TMEM151B: variants seen among roughly 807,000 people sequenced by gnomAD.
TMEM151B encodes the protein transmembrane protein 151B.
In TMEM151B, 18 loss-of-function variants were observed where a neutral mutation model predicts 33.0. That is an observed-to-expected ratio of 0.55 (90% CI 0.38 to 0.81). The LOEUF is 0.81. Ranked by LOEUF, TMEM151B falls within the 30% of genes least tolerant of loss-of-function variation. The probability of loss-of-function intolerance (pLI) is 0.00; values close to 1 mark genes in which losing one functional copy is unlikely to be tolerated. For missense variants in TMEM151B, 672 were observed against 843.4 expected, an observed-to-expected ratio of 0.80 and a Z score of 2.52; for synonymous variants, 354 against 373.6, an observed-to-expected ratio of 0.95 and a Z score of 0.61.
rs1358258799 is a variant in TMEM151B, at chr6:44,275,942, G to A, written c.1116G>A (p.Glu372=). ...GGGTCAACACAGTAGACAGCACGGAGCTCGAGTGGCACATCCGCTCCAACC... is the reference window on the plus strand; with the variant it reads ...GGGTCAACACAGTAGACAGCACGGAACTCGAGTGGCACATCCGCTCCAACC... ...LPRVNTVDST[E]LEWHIRSNQQ... The change falls in exon 3 of 3, where the codon GAG becomes GAA. Residue 372 remains glutamate (E), a synonymous_variant. Coordinates refer to ENST00000451188, the MANE Select transcript of TMEM151B (RefSeq NM_001137560.2). The A allele has an allele frequency of 6.7e-7, 1 of 1,489,816 alleles. No individual in the cohort carries two copies. Among genetic ancestry groups the A allele is most frequent in the East Asian group, 2.5e-5 (1 of 39,936 alleles). The allele number at this position is 1,489,816 out of a possible 1,614,324, so 92.3% of individuals were successfully genotyped here.
chr6:44,276,466 G>A lies in TMEM151B; in HGVS notation c.1640G>A (p.Cys547Tyr). 6.8e-7 allele frequency: 1 copy of A among 1,477,434 alleles called. No individual in the cohort carries two copies. 91.5% of individuals were successfully genotyped at this position (1,477,434 alleles called of 1,614,324 possible). ...PVLIVHRQEG[C>Y]LGHSHRPLHR... ...CTCATCGTCCACCGGCAGGAGGGGT[G>A]TCTGGGCCACAGCCACCGGCCGCTG... is the stretch of plus-strand genomic sequence containing the variant. Residue 547 changes from cysteine (C) to tyrosine (Y), a missense_variant, in exon 3 of 3, where the codon TGT becomes TAT. Around this residue, in one of 3 missense-constraint regions of TMEM151B, gnomAD observed 324 missense variants for 363.1 expected, o/e 0.89. Transcript: ENST00000451188.
Position 44,276,712 on chromosome 6 carries a change from A to G in TMEM151B, c.*185A>G. 2 of 1,198,120 alleles carry G rather than the reference A, an allele frequency of 1.7e-6. No individual in the cohort carries two copies. Among genetic ancestry groups the G allele is most frequent in the Non-Finnish European group, 2.1e-6 (2 of 956,234 alleles). The allele number at this position is 1,198,120 out of a possible 1,614,324, so 74.2% of individuals were successfully genotyped here. ...CCCCGCTGTCCCTGTACATAAAGAG[A>G]CCGATGGGTGGGAGGGGGTCGGCTG... is the stretch of plus-strand genomic sequence containing the variant. On this transcript the variant is annotated 3_prime_UTR_variant, in exon 3 of 3. Transcript: ENST00000451188.
chr6:44,275,319 A>T (rs1782534599), intron 2 of TMEM151B, 84 bp from the exon 3 acceptor site: 2 of 1,437,404 alleles, frequency 1.4e-6, no homozygotes, highest in African/African-American at 2.9e-5. Context: ...CAGAGCACAG[A>T]TGGGGCGGGA....
chr6:44,273,450 C>T lies in TMEM151B; in HGVS notation c.520C>T (p.Arg174Cys), dbSNP rs1472512067. 2 of 1,550,812 alleles carry T rather than the reference C, an allele frequency of 1.3e-6. No homozygotes were observed. The highest frequency in any genetic ancestry group is 8.7e-7 in the Non-Finnish European group (1 of 1,146,850). Residue 174 changes from arginine (R) to cysteine (C), a missense_variant, in exon 2 of 3, where the codon CGC becomes TGC. By Grantham distance (180) the Arg-to-Cys change is radical. Coordinates refer to ENST00000451188, the MANE Select transcript of TMEM151B (RefSeq NM_001137560.2). ...GAAGGCCATCAGCTACCACTATGTC[C>T]GCCGCACCCGCCAGGTCACCAGATA... ...WWKAISYHYV[R>C]RTRQVTRYRN... is the part of the protein sequence containing the mutation.
At chr6:44,272,844 C>G (rs1465629321) in intron 1 of TMEM151B, among the ~76,000 whole-genome samples, 1 of 152,134 alleles carries the variant, frequency 6.6e-6, no homozygotes, top group East Asian at 1.9e-4. Context: ...CATTCCGGTC[C>G]CCTTTCCTGT....
At chr6:44,273,776 C>G (rs1321206907) in intron 2 of TMEM151B, among the ~76,000 whole-genome samples, 1 of 152,220 alleles carries the variant, frequency 6.6e-6, no homozygotes, top group Non-Finnish European at 1.5e-5. Context: ...GCAGGTATTC[C>G]CATTTTGCAG....
rs1201538908 is a variant in TMEM151B at position 44,276,447 on chromosome 6, G to A, written c.1621G>A (p.Val541Ile). 1 of 1,494,104 alleles carries A rather than the reference G, an allele frequency of 6.7e-7. No individual in the cohort carries two copies. The highest frequency in any genetic ancestry group is 2.1e-5 in the Admixed American group (1 of 47,434). 92.6% of individuals were successfully genotyped at this position (1,494,104 alleles called of 1,614,324 possible). Residue 541 changes from valine (V) to isoleucine (I), a missense_variant, in exon 3 of 3, where the codon GTC becomes ATC. Transcript: ENST00000451188. ...HDALYFPVLI[V>I]HRQEGCLGHS... is the part of the protein sequence containing the mutation. ...CGCCCTCTACTTTCCGGTCCTCATC[G>A]TCCACCGGCAGGAGGGGTGTCTGGG...
At position 44,276,052 on chromosome 6, in the gene TMEM151B, A is replaced by G; in HGVS notation, c.1226A>G (p.Tyr409Cys). The change falls in exon 3 of 3, where the codon TAC (tyrosine) becomes TGC (cysteine). Residue 409 changes from tyrosine to cysteine, a missense_variant. Coordinates refer to ENST00000451188, the MANE Select transcript of TMEM151B (RefSeq NM_001137560.2). ...CGCTGCGGCGGGGCAGGCGGCGGCT[A>G]CGCGCCCTCGTGCCGCTACGGTGGG... ...GTRCGGAGGG[Y>C]APSCRYGGVG... is the part of the protein sequence containing the mutation. 1 of 1,347,800 alleles carries G rather than the reference A, an allele frequency of 7.4e-7. No individual in the cohort carries two copies. The highest frequency in any genetic ancestry group is 2.0e-5 in the South Asian group (1 of 50,840). 83.5% of individuals were successfully genotyped at this position (1,347,800 alleles called of 1,614,324 possible).
Position 44,276,050 on chromosome 6 carries a change from C to G in TMEM151B, c.1224C>G (p.Gly408=). The change falls in exon 3 of 3, where the codon GGC becomes GGG. Residue 408 remains glycine, a synonymous_variant. Transcript: ENST00000451188. ...CGCGCTGCGGCGGGGCAGGCGGCGG[C>G]TACGCGCCCTCGTGCCGCTACGGTG... ...LGTRCGGAGG[G]YAPSCRYGGV... 1.5e-6 allele frequency: 2 copies of G among 1,349,222 alleles called. No homozygotes were observed. Among genetic ancestry groups the G allele is most frequent in the Non-Finnish European group, 1.9e-6 (2 of 1,056,332 alleles). 83.6% of individuals were successfully genotyped at this position (1,349,222 alleles called of 1,614,324 possible). A position where few individuals can be genotyped will look rare whatever the true frequency, so the allele number is the denominator to read the frequency against.
chr6:44,276,555 T>G lies in TMEM151B; in HGVS notation c.*28T>G, dbSNP rs991189422. 5 of 1,325,562 alleles carry G rather than the reference T, an allele frequency of 3.8e-6. No individual in the cohort carries two copies. The African/African-American group carries it at 7.7e-5, about 20-fold the overall frequency. The allele number at this position is 1,325,562 out of a possible 1,614,324, so 82.1% of individuals were successfully genotyped here. On this transcript the variant is annotated 3_prime_UTR_variant, in exon 3 of 3. Coordinates refer to ENST00000451188, the MANE Select transcript of TMEM151B (RefSeq NM_001137560.2). The stretch of plus-strand genomic sequence containing the variant: ...TCCGGCCCCGGAGTGGCCCGCGCCG[T>G]CCTCCCGCCTGCCCCTCGCCGGACT...
Position 44,276,560 on chromosome 6 carries a change from C to T in TMEM151B, c.*33C>T. On this transcript the variant is annotated 3_prime_UTR_variant, in exon 3 of 3. Coordinates refer to ENST00000451188, the MANE Select transcript of TMEM151B (RefSeq NM_001137560.2). ...CCCCGGAGTGGCCCGCGCCGTCCTCCCGCCTGCCCCTCGCCGGACTGTGCT... is the reference window on the plus strand; with the variant it reads ...CCCCGGAGTGGCCCGCGCCGTCCTCTCGCCTGCCCCTCGCCGGACTGTGCT... 1 of 1,336,216 alleles carries T rather than the reference C, an allele frequency of 7.5e-7. No homozygotes were observed. The highest frequency in any genetic ancestry group is 9.6e-7 in the Non-Finnish European group (1 of 1,041,348). The allele number at this position is 1,336,216 out of a possible 1,614,324, so 82.8% of individuals were successfully genotyped here. A position where few individuals can be genotyped will look rare whatever the true frequency, so the allele number is the denominator to read the frequency against.
In TMEM151B at chr6:44,270,573, C is replaced by T. The variant is rs1003401742; in HGVS notation, c.-170C>T. On this transcript the variant is annotated 5_prime_UTR_variant, in exon 1 of 3. Transcript: ENST00000451188. ...CCCCCAGCCTGCCTCCCACCCTCAG[C>T]CCCCAGCCCCTTACTCCCGGTGCCC... 1 of 168,732 alleles carries T rather than the reference C, an allele frequency of 5.9e-6. No homozygotes were observed. The highest frequency in any genetic ancestry group is 6.4e-5 in the Admixed American group (1 of 15,558). The allele number at this position is 168,732 out of a possible 1,614,324, so 10.5% of individuals were successfully genotyped here. A position where few individuals can be genotyped will look rare whatever the true frequency, so the allele number is the denominator to read the frequency against.
In TMEM151B at chr6:44,276,584, C is replaced by T; in HGVS notation, c.*57C>T. 5 of 1,318,226 alleles carry T rather than the reference C, an allele frequency of 3.8e-6. No homozygotes were observed. The highest frequency in any genetic ancestry group is 3.9e-6 in the Non-Finnish European group (4 of 1,033,402). The allele number at this position is 1,318,226 out of a possible 1,614,324, so 81.7% of individuals were successfully genotyped here. A position where few individuals can be genotyped will look rare whatever the true frequency, so the allele number is the denominator to read the frequency against. ...CCCGCCTGCCCCTCGCCGGACTGTG[C>T]TCCCTCTGCGACGCAGGGCGAGTCA... On this transcript the variant is annotated 3_prime_UTR_variant, in exon 3 of 3. Transcript: ENST00000451188.
rs928283341 is a variant in TMEM151B, at chr6:44,276,119, C to G, written c.1293C>G (p.Arg431=). The change falls in exon 3 of 3, where the codon CGC becomes CGG. Residue 431 remains arginine (R), a synonymous_variant. Transcript: ENST00000451188. ...PGAAGVAPYR[R]SCEHCQRAVS... is the part of the protein sequence containing the mutation. ...CGGCGGGCGTGGCTCCCTACCGGCGCAGCTGCGAGCACTGCCAGCGCGCCG... is the reference window on the plus strand; with the variant it reads ...CGGCGGGCGTGGCTCCCTACCGGCGGAGCTGCGAGCACTGCCAGCGCGCCG... The G allele has an allele frequency of 2.3e-6, 3 of 1,320,818 alleles. No individual in the cohort carries two copies. The highest frequency in any genetic ancestry group is 1.9e-6 in the Non-Finnish European group (2 of 1,043,970). 81.8% of individuals were successfully genotyped at this position (1,320,818 alleles called of 1,614,324 possible).
In TMEM151B at chr6:44,273,122, G is replaced by A. The variant is rs1215331271; in HGVS notation, c.192G>A (p.Lys64=). ...TKSLCRESHW[K]CLLLSLLMYG... ...CCCTCTGCCGTGAGTCCCACTGGAA[G>A]TGCCTCCTGCTCTCGCTGCTCATGT... Residue 64 remains lysine, a synonymous_variant, in exon 2 of 3, where the codon AAG becomes AAA. Coordinates refer to ENST00000451188, the MANE Select transcript of TMEM151B (RefSeq NM_001137560.2). The A allele has an allele frequency of 1.3e-6, 2 of 1,526,440 alleles. No homozygotes were observed. Among genetic ancestry groups the A allele is most frequent in the African/African-American group, 2.8e-5 (2 of 72,722 alleles). 94.6% of individuals were successfully genotyped at this position (1,526,440 alleles called of 1,614,324 possible). A position where few individuals can be genotyped will look rare whatever the true frequency, so the allele number is the denominator to read the frequency against.
rs1222582987 is a variant in TMEM151B at position 44,276,660 on chromosome 6, C to T, written c.*133C>T. ...GGCAGGGAAAGGGAGGTGAGGGCCG[C>T]AAGACAGGCCCGGATGGGGCCGAGA... is the stretch of plus-strand genomic sequence containing the variant. On this transcript the variant is annotated 3_prime_UTR_variant, in exon 3 of 3. Coordinates refer to ENST00000451188, the MANE Select transcript of TMEM151B (RefSeq NM_001137560.2). The T allele has an allele frequency of 3.9e-6, 5 of 1,275,022 alleles. No homozygotes were observed. Among genetic ancestry groups the T allele is most frequent in the South Asian group, 2.7e-5 (1 of 37,520 alleles). 79.0% of individuals were successfully genotyped at this position (1,275,022 alleles called of 1,614,324 possible).
In TMEM151B at chr6:44,270,707, CG is replaced by C; in HGVS notation, c.-33del. On this transcript the variant is annotated 5_prime_UTR_variant, in exon 1 of 3. Transcript: ENST00000451188. The stretch of plus-strand genomic sequence containing the variant: ...ATGCCCCCGGCCCCTGGCAGCCCCC[CG>C]GGAGGTCCTGAGCTCGACGCGCCCC... 1 of 855,228 alleles carries C rather than the reference CG, an allele frequency of 1.2e-6. No individual in the cohort carries two copies. The highest frequency in any genetic ancestry group is 1.5e-6 in the Non-Finnish European group (1 of 679,338). The allele number at this position is 855,228 out of a possible 1,614,324, so 53.0% of individuals were successfully genotyped here. A position where few individuals can be genotyped will look rare whatever the true frequency, so the allele number is the denominator to read the frequency against.
At position 44,276,509 on chromosome 6, in the gene TMEM151B, C is replaced by T. The variant is rs1406018654; in HGVS notation, c.1683C>T (p.Cys561=). The change falls in exon 3 of 3, where the codon TGC becomes TGT. Residue 561 remains cysteine, a synonymous_variant. Transcript: ENST00000451188. ...SHRPLHRHGS[C]VETSL is the part of the protein sequence containing the mutation. ...GGCCGCTGCACCGCCACGGCTCCTG[C>T]GTAGAGACCTCACTGTGACCTCCGG... 7.2e-7 allele frequency: 1 copy of T among 1,385,278 alleles called. No individual in the cohort carries two copies. Among genetic ancestry groups the T allele is most frequent in the East Asian group, 3.0e-5 (1 of 32,956 alleles). The allele number at this position is 1,385,278 out of a possible 1,614,324, so 85.8% of individuals were successfully genotyped here.
chr6:44,271,005 G>A, intron 1 of TMEM151B, 128 bp downstream of exon 1: 1 of 619,098 alleles, frequency 1.6e-6, no homozygotes, highest in Non-Finnish European at 2.0e-6. Flanking sequence ...GGCCGCTGCA[G>A]CCGCAGTCCG....
Sources: gnomAD v4.1 joint callset for allele counts (sites outside exome capture counted in the v4.1 genomes callset) on GRCh38, gnomAD v4.1.1 for gene constraint, gnomAD v4.1.1 regional missense constraint, MANE v1.5 for transcripts, NCBI Gene and HGNC (gene_info 2026-07-23, HGNC 2026-07-21) for gene names.